RIT2: variants seen among roughly 807,000 people sequenced by gnomAD.
RIT2 encodes GTP-binding protein Rit2.
Under a neutral mutation model 23.7 loss-of-function variants are expected in RIT2, and 24 were observed. That is an observed-to-expected ratio of 1.01 (90% CI 0.73 to 1.43). RIT2 has a LOEUF of 1.43. Ranked by LOEUF, RIT2 falls within the 40% of genes most tolerant of loss-of-function variation. The pLI, the probability that RIT2 is intolerant of heterozygous loss-of-function variation, is 0.00. For synonymous variants in RIT2, 107 were observed against 91.1 expected (o/e 1.17, Z -0.99); for missense variants, 236 against 266.9 (o/e 0.88, Z 0.81).
intron 3 of RIT2, among the ~76,000 whole-genome samples, chr18:42,942,659 G>T (rs979919462): frequency 6.6e-6 from 1 of 152,090 alleles, no homozygotes; most frequent in African/African-American, 2.4e-5. Flanking sequence ...TAGGTGAACT[G>T]TTAGGTTTAA....
At chr18:42,894,064 C>T (rs970805012) in intron 4 of RIT2, among the ~76,000 whole-genome samples, 7 of 152,180 alleles carry the variant, frequency 4.6e-5, no homozygotes, top group East Asian at 1.9e-4. Flanking sequence ...TATGTCAGAA[C>T]GCTGATGGCG....
intron 3 of RIT2, among the ~76,000 whole-genome samples, chr18:42,940,924 G>A (rs1909586537): frequency 6.6e-6 from 1 of 152,070 alleles, no homozygotes; most frequent in Non-Finnish European, 1.5e-5. Context: ...TGCTGGTCTA[G>A]GAATTTAAAT....
chr18:42,924,874 T>C (rs536064929), intron 3 of RIT2, among the ~76,000 whole-genome samples: 7 of 152,208 alleles, frequency 4.6e-5, no homozygotes, highest in Non-Finnish European at 1.0e-4. Context: ...CCAGGAACTT[T>C]GGAAAACTAG....
At chr18:43,010,020 C>T (rs1484413618) in intron 2 of RIT2, among the ~76,000 whole-genome samples, 1 of 151,756 alleles carries the variant, frequency 6.6e-6, no homozygotes, top group African/African-American at 2.4e-5. Context: ...TTCATTTGTT[C>T]CAGAAAAGAA....
At chr18:43,095,764 T>A (rs1013084887) in intron 1 of RIT2, among the ~76,000 whole-genome samples, 1 of 151,980 alleles carries the variant, frequency 6.6e-6, no homozygotes, top group African/African-American at 2.4e-5. Flanking sequence ...AAGTATTAAC[T>A]CAAATGACAT....
intron 4 of RIT2, among the ~76,000 whole-genome samples, chr18:42,904,028 T>C (rs1333256437): frequency 6.6e-6 from 1 of 152,088 alleles, no homozygotes; most frequent in African/African-American, 2.4e-5. Context: ...TAAATTGTAA[T>C]GCTATATTTA....
At chr18:42,787,837 A>C (rs2143941550) in intron 4 of RIT2, among the ~76,000 whole-genome samples, 1 of 152,190 alleles carries the variant, frequency 6.6e-6, no homozygotes, top group South Asian at 2.1e-4. Context: ...ATTATTGAGA[A>C]TTCTCTGGAT....
chr18:42,770,081 A>G (rs1053569580), intron 4 of RIT2, among the ~76,000 whole-genome samples: 4 of 151,956 alleles, frequency 2.6e-5, no homozygotes, highest in African/African-American at 9.7e-5. Context: ...CTGTCCACCC[A>G]GAGACTGCTT....
intron 4 of RIT2, among the ~76,000 whole-genome samples, chr18:42,892,718 A>AT (rs1908214928): frequency 6.6e-6 from 1 of 152,188 alleles, no homozygotes; most frequent in Non-Finnish European, 1.5e-5. Context: ...AAGAGTATCT[A>AT]TTTTTCTTTG....
chr18:42,893,536 C>T (rs1201294107), intron 4 of RIT2, among the ~76,000 whole-genome samples: 1 of 152,140 alleles, frequency 6.6e-6, no homozygotes, highest in Non-Finnish European at 1.5e-5. Flanking sequence ...CTAAGGGCCT[C>T]AGCTCTTCAT....
intron 1 of RIT2, among the ~76,000 whole-genome samples, chr18:43,108,043 G>A (rs146632500): frequency 0.039 from 5,959 of 151,364 alleles, 176 homozygotes; most frequent in South Asian, 0.064. Flanking sequence ...GCATGGTGGC[G>A]GGTGACTGTA....
rs555095631 is a variant in RIT2, at chr18:42,950,571, C to T, written c.234+23503G>A. Among the ~76,000 whole-genome samples the T allele has an allele frequency of 1.2e-4, 18 of 152,058 alleles. 1 individual carries two copies. In the South Asian group the frequency reaches 3.5e-3, roughly 30 times the overall value. The stretch of plus-strand genomic sequence containing the variant: ...AGCTGATTAAACTAAAGAGCTTCTG[C>T]ACCGCAAAAGAAACTTTCAATAGAG... On this transcript the variant is annotated intron_variant, in intron 3 of 4. Coordinates refer to ENST00000326695, the MANE Select transcript of RIT2 (RefSeq NM_002930.4).
intron 4 of RIT2, among the ~76,000 whole-genome samples, chr18:42,830,693 C>A (rs1211681264): frequency 2.6e-5 from 4 of 152,162 alleles, no homozygotes; most frequent in Admixed American, 2.6e-4. Flanking sequence ...TTCCATATCA[C>A]TCTTTCTATA....
At chr18:42,945,195 T>C (rs1909698897) in intron 3 of RIT2, among the ~76,000 whole-genome samples, 1 of 152,154 alleles carries the variant, frequency 6.6e-6, no homozygotes, top group Non-Finnish European at 1.5e-5. Context: ...TTAATGCTTG[T>C]ACTTTATAAG....
At chr18:42,939,037 C>T (rs995543323) in intron 3 of RIT2, among the ~76,000 whole-genome samples, 3 of 152,120 alleles carry the variant, frequency 2.0e-5, no homozygotes, top group Non-Finnish European at 4.4e-5. Flanking sequence ...TGTGAAGCAC[C>T]ACCCCAGGCC....
chr18:43,101,110 A>G (rs1913674184), intron 1 of RIT2, among the ~76,000 whole-genome samples: 1 of 152,064 alleles, frequency 6.6e-6, no homozygotes, highest in Admixed American at 6.6e-5. Context: ...AGTAATGAAC[A>G]TGTAGACTTT....
intron 4 of RIT2, among the ~76,000 whole-genome samples, chr18:42,854,721 G>A (rs535530083): frequency 6.6e-6 from 1 of 152,252 alleles, no homozygotes; most frequent in African/African-American, 2.4e-5. Flanking sequence ...AAGAAGATAA[G>A]ACTATAATTA....
At chr18:42,972,698 T>G (rs1759058495) in intron 3 of RIT2, among the ~76,000 whole-genome samples, 1 of 151,822 alleles carries the variant, frequency 6.6e-6, no homozygotes, top group Non-Finnish European at 1.5e-5. Flanking sequence ...ATTTACCACA[T>G]TCTAAGCCAC....
intron 4 of RIT2, among the ~76,000 whole-genome samples, chr18:42,855,380 A>G (rs938200789): frequency 6.6e-6 from 1 of 152,228 alleles, no homozygotes; most frequent in Non-Finnish European, 1.5e-5. Flanking sequence ...TTGAAAGGGA[A>G]GAATAGTCAT....
Sources: allele counts gnomAD v4.1 joint callset (sites outside exome capture counted in the v4.1 genomes callset), GRCh38; gene constraint gnomAD v4.1.1; transcripts MANE v1.5; gene names NCBI Gene and HGNC (gene_info 2026-07-23, HGNC 2026-07-21).